BOLL: variants seen among roughly 807,000 people sequenced by gnomAD.
BOLL encodes protein boule-like.
In BOLL, 23 loss-of-function variants were observed where a neutral mutation model predicts 44.4. The ratio of observed to expected loss-of-function variants is 0.52; its 90% CI spans 0.37 to 0.73. BOLL has a LOEUF of 0.73. BOLL is among the 30% of genes least tolerant of loss of function. The pLI is 0.00. For synonymous variants in BOLL, 97 were observed against 110.8 expected, an observed-to-expected ratio of 0.88 and a Z score of 0.78; for missense variants, 287 against 338.3, an observed-to-expected ratio of 0.85 and a Z score of 1.19.
Position 197,750,836 on chromosome 2 carries a change from G to C in BOLL, c.729+5592C>G, listed in dbSNP as rs913558216. Among the ~76,000 whole-genome samples the C allele has an allele frequency of 2.6e-5, 4 of 152,254 alleles. No homozygotes were observed. The South Asian group carries it at 8.3e-4, about 32-fold the overall frequency. On this transcript the variant is annotated intron_variant, in intron 9 of 10. Coordinates refer to ENST00000392296, the MANE Select transcript of BOLL (RefSeq NM_033030.6). The stretch of plus-strand genomic sequence containing the variant: ...CAGAACTCTCCACCCCAAATCAACA[G>C]AATATACATTCTTCTCAGCACCACA...
chr2:197,784,283 A>G (rs1009314916), intron 1 of BOLL, among the ~76,000 whole-genome samples: 2 of 151,092 alleles, frequency 1.3e-5, no homozygotes, highest in African/African-American at 4.9e-5. Flanking sequence ...GGTGCTCAAT[A>G]AATATCTGTT....
chr2:197,785,451 C>T, upstream of BOLL: 2 of 919,856 alleles, frequency 2.2e-6, no homozygotes, highest in Non-Finnish European at 1.3e-6. The surrounding 1 kb of genome is among the most constrained non-coding windows in gnomAD (Gnocchi z 6.7). Context: ...TCCACCCTGA[C>T]TGGCTTGGGT....
upstream of BOLL, chr2:197,786,130 C>T: frequency 1.5e-6 from 2 of 1,369,870 alleles, no homozygotes; most frequent in Non-Finnish European, 1.9e-6. The surrounding 1 kb of genome is among the most constrained non-coding windows in gnomAD (Gnocchi z 5.9). Flanking sequence ...GCGAGGGTGG[C>T]TGTGGCAGCT....
chr2:197,730,668 TAAAGA>T (rs1687119214), intron 10 of BOLL, among the ~76,000 whole-genome samples: 1 of 149,180 alleles, frequency 6.7e-6, no homozygotes, highest in East Asian at 2.0e-4. Context: ...TCAACATTCT[TAAAGA>T]AAAGAATTTT....
chr2:197,734,268 AT>A (rs1224899195), intron 10 of BOLL, among the ~76,000 whole-genome samples: 1 of 151,914 alleles, frequency 6.6e-6, no homozygotes, highest in African/African-American at 2.4e-5. Flanking sequence ...ATGAGATACC[AT>A]CTCACACCAG....
At chr2:197,750,949 C>G (rs1688215658) in intron 9 of BOLL, among the ~76,000 whole-genome samples, 2 of 152,220 alleles carry the variant, frequency 1.3e-5, no homozygotes, top group Non-Finnish European at 2.9e-5. Context: ...CAAACAGTCT[C>G]TCAGACCACA....
intron 6 of BOLL, among the ~76,000 whole-genome samples, chr2:197,766,897 G>T (rs1194922608): frequency 1.3e-5 from 2 of 151,894 alleles, no homozygotes; most frequent in African/African-American, 2.4e-5. Flanking sequence ...AGTTATAAGA[G>T]AATACTTAGA....
rs565318568 is a variant in BOLL at position 197,757,468 on chromosome 2, C to A, written c.553-68G>T. 220 of 1,399,522 alleles carry A rather than the reference C, an allele frequency of 1.6e-4. 2 individuals carry two copies. The South Asian group carries it at 2.6e-3, about 17-fold the overall frequency. The allele number at this position is 1,399,522 out of a possible 1,614,324, so 86.7% of individuals were successfully genotyped here. On this transcript the variant is annotated intron_variant, in intron 7 of 10. Transcript: ENST00000392296. ...AACAAGGGTTAAAACTAGATATCTA[C>A]AGGCAAAAATATGAAGTTGGACCCT... is the stretch of plus-strand genomic sequence containing the variant.
chr2:197,743,116 T>C lies in BOLL; in HGVS notation c.773A>G (p.Tyr258Cys). ...HGVQATYHQV[Y>C]APSAITMPAP... is the part of the protein sequence containing the mutation. ...AGGCATAGTGATGGCACTTGGAGCA[T>C]AAACCTGGTGATATGTTGCTTGAAC... Residue 258 changes from tyrosine to cysteine, a missense_variant, in exon 10 of 11, where the codon TAT becomes TGT. Physicochemically the swap from Tyr to Cys is radical, Grantham distance 194 (BLOSUM62 -2). Transcript: ENST00000392296. The C allele has an allele frequency of 1.2e-6, 2 of 1,606,260 alleles. No individual in the cohort carries two copies. Among genetic ancestry groups the C allele is most frequent in the Non-Finnish European group, 1.7e-6 (2 of 1,176,438 alleles).
At position 197,727,598 on chromosome 2, in the gene BOLL, A is replaced by G. The variant is rs1686900997; in HGVS notation, c.*957T>C. 1 of 152,360 alleles carries G rather than the reference A, an allele frequency of 6.6e-6. No homozygotes were observed. Among genetic ancestry groups the G allele is most frequent in the African/African-American group, 2.4e-5 (1 of 41,466 alleles). The allele number at this position is 152,360 out of a possible 1,614,324, so 9.4% of individuals were successfully genotyped here. A position where few individuals can be genotyped will look rare whatever the true frequency, so the allele number is the denominator to read the frequency against. On this transcript the variant is annotated 3_prime_UTR_variant, in exon 11 of 11. Transcript: ENST00000392296. ...GGTGTAAAAAATAGTTTTGCATTTTATGAAAACAATTGTCCTTTTAAAAAT... is the reference window on the plus strand; with the variant it reads ...GGTGTAAAAAATAGTTTTGCATTTTGTGAAAACAATTGTCCTTTTAAAAAT...
intron 9 of BOLL, among the ~76,000 whole-genome samples, chr2:197,748,804 G>T (rs918854015): frequency 6.6e-6 from 1 of 152,234 alleles, no homozygotes; most frequent in Admixed American, 6.5e-5. Flanking sequence ...AGCTGTGGGT[G>T]CAGCTTCAGC....
rs143130873 is a variant in BOLL at position 197,727,260 on chromosome 2, A to G, written c.*1295T>C. 4.6e-5 allele frequency: 7 copies of G among 152,412 alleles called. No individual in the cohort carries two copies. Among genetic ancestry groups the G allele is most frequent in the Non-Finnish European group, 1.5e-5 (1 of 68,022 alleles). The allele number at this position is 152,412 out of a possible 1,614,324, so 9.4% of individuals were successfully genotyped here. A position where few individuals can be genotyped will look rare whatever the true frequency, so the allele number is the denominator to read the frequency against. ...GAAAAACCTTTGTGATCTATATCCTACTATTTCTGCTGCTGCTGCTGAGCA... is the reference window on the plus strand; with the variant it reads ...GAAAAACCTTTGTGATCTATATCCTGCTATTTCTGCTGCTGCTGCTGAGCA... On this transcript the variant is annotated 3_prime_UTR_variant, in exon 11 of 11. Coordinates refer to ENST00000392296, the MANE Select transcript of BOLL (RefSeq NM_033030.6).
At chr2:197,774,604 T>C (rs1462736638) in intron 5 of BOLL, 1 of 151,964 alleles carries the variant, frequency 6.6e-6, no homozygotes, top group African/African-American at 2.4e-5. Flanking sequence ...TAGATCATAC[T>C]ATGAGCATTA....
intron 9 of BOLL, among the ~76,000 whole-genome samples, chr2:197,748,273 G>A (rs1688075825): frequency 6.6e-6 from 1 of 152,330 alleles, no homozygotes; most frequent in South Asian, 2.1e-4. Context: ...TACACCACCA[G>A]GGCCCTGGAT....
chr2:197,784,104 AG>A (rs1439081321), intron 1 of BOLL, among the ~76,000 whole-genome samples: 1 of 151,938 alleles, frequency 6.6e-6, no homozygotes, highest in Admixed American at 6.6e-5. Flanking sequence ...CCACTCTCTA[AG>A]GCTCTATTGT....
chr2:197,778,423 T>C (rs1185571940), intron 3 of BOLL, among the ~76,000 whole-genome samples: 1 of 151,938 alleles, frequency 6.6e-6, no homozygotes, highest in Admixed American at 6.6e-5. Context: ...TTTGTACACA[T>C]AGCATTCCAC....
Position 197,728,660 on chromosome 2 carries a change from C to T in BOLL, c.829-82G>A, listed in dbSNP as rs1686963469. 4 of 874,026 alleles carry T rather than the reference C, an allele frequency of 4.6e-6. No individual in the cohort carries two copies. In the South Asian group the frequency reaches 7.0e-5, roughly 15 times the overall value. The allele number at this position is 874,026 out of a possible 1,614,324, so 54.1% of individuals were successfully genotyped here. A position where few individuals can be genotyped will look rare whatever the true frequency, so the allele number is the denominator to read the frequency against. ...GTTAGAACAGATGAGTACAGACCAT[C>T]AATCAACATTCACTAAATATTTGCA... On this transcript the variant is annotated intron_variant, in intron 10 of 10. Coordinates refer to ENST00000392296, the MANE Select transcript of BOLL (RefSeq NM_033030.6).
intron 9 of BOLL, among the ~76,000 whole-genome samples, chr2:197,749,839 C>T (rs1559400248): frequency 6.6e-6 from 1 of 152,038 alleles, no homozygotes; most frequent in Non-Finnish European, 1.5e-5. Context: ...AGAACTTCCT[C>T]AACCTAGCAA....
chr2:197,756,658 A>G, intron 8 of BOLL, 102 bp from the exon 9 acceptor site: 2 of 1,222,714 alleles, frequency 1.6e-6, no homozygotes, highest in South Asian at 1.8e-5. Context: ...TTTTTATTTT[A>G]CTAAATTTTT....
Sources: allele counts gnomAD v4.1 joint callset (sites outside exome capture counted in the v4.1 genomes callset), GRCh38; gene constraint gnomAD v4.1.1; non-coding constraint Gnocchi (gnomAD v3.1); transcripts MANE v1.5; gene names NCBI Gene and HGNC (gene_info 2026-07-23, HGNC 2026-07-21).